The following NRXN1 variants were observed in gnomAD, a reference collection of about 807,000 sequenced individuals.
The protein encoded by NRXN1 is neurexin 1, also known as neurexin-1.
Under a neutral mutation model 150.9 loss-of-function variants are expected in NRXN1, and 39 were observed. That is an observed-to-expected ratio of 0.26 (90% CI 0.20 to 0.34). The LOEUF is 0.34. Among genes scored for constraint, NRXN1 ranks in the 10% least tolerant of loss-of-function variants. NRXN1 has a pLI of 1.00. For missense variants in NRXN1, 1,815 were observed against 1,949.9 expected (o/e 0.93, Z 1.30); for synonymous variants, 924 against 757.0 (o/e 1.22, Z -3.62).
chr2:50,139,512 C>T (rs778403760), intron 18 of NRXN1, among the ~76,000 whole-genome samples: 33 of 152,044 alleles, frequency 2.2e-4, no homozygotes, highest in Non-Finnish European at 3.4e-4. Context: ...AAAAGTATGA[C>T]GGACAGCTGA....
chr2:50,098,830 G>GTTTTTTT (rs746736925), intron 18 of NRXN1, among the ~76,000 whole-genome samples: 47 of 105,462 alleles, frequency 4.5e-4, no homozygotes, highest in South Asian at 1.0e-3. Flanking sequence ...TTTGGTTTTA[G>GTTTTTTT]TTTTTTTTTT....
chr2:50,083,673 G>A (rs766402780), intron 19 of NRXN1, among the ~76,000 whole-genome samples: 9 of 152,134 alleles, frequency 5.9e-5, no homozygotes, highest in Non-Finnish European at 1.0e-4. Flanking sequence ...CTGCTGATCG[G>A]TCCATTTTAC....
chr2:50,977,367 AATAT>A (rs1696024952), intron 2 of NRXN1, among the ~76,000 whole-genome samples: 1 of 150,454 alleles, frequency 6.6e-6, no homozygotes, highest in South Asian at 2.1e-4. Flanking sequence ...TGTGATACAT[AATAT>A]TATATACATA....
intron 18 of NRXN1, among the ~76,000 whole-genome samples, chr2:50,192,599 A>G (rs923353772): frequency 6.8e-6 from 1 of 147,628 alleles, no homozygotes; most frequent in South Asian, 2.1e-4. Context: ...GGAAGAATAT[A>G]TACTTTTTTT....
At chr2:50,655,668 G>C (rs186121453) in intron 5 of NRXN1, among the ~76,000 whole-genome samples, 2 of 145,096 alleles carry the variant, frequency 1.4e-5, no homozygotes, top group African/African-American at 2.6e-5. Flanking sequence ...TTTTTCTTTT[G>C]GGGGGGGAGG....
At chr2:50,319,954 C>T (rs2152972908) in intron 17 of NRXN1, among the ~76,000 whole-genome samples, 1 of 152,128 alleles carries the variant, frequency 6.6e-6, no homozygotes, top group South Asian at 2.1e-4. Flanking sequence ...TTTGGCAAGA[C>T]ATGGCTCCTT....
chr2:50,447,172 C>T (rs555379233), intron 17 of NRXN1, among the ~76,000 whole-genome samples: 1 of 152,004 alleles, frequency 6.6e-6, no homozygotes, highest in East Asian at 1.9e-4. Flanking sequence ...GGCCCTTCCA[C>T]AGATTTAAAA....
At chr2:50,145,763 AT>A (rs926653278) in intron 18 of NRXN1, among the ~76,000 whole-genome samples, 1 of 151,578 alleles carries the variant, frequency 6.6e-6, no homozygotes, top group African/African-American at 2.4e-5. Flanking sequence ...GGAATTATAG[AT>A]GGGTAATATT....
intron 17 of NRXN1, among the ~76,000 whole-genome samples, chr2:50,307,708 T>A (rs1038262067): frequency 1.3e-5 from 2 of 152,158 alleles, no homozygotes; most frequent in Admixed American, 6.6e-5. Context: ...ACTCCTGACT[T>A]ACTCTCAACT....
At chr2:50,711,527 G>C (rs1176723858) in intron 5 of NRXN1, among the ~76,000 whole-genome samples, 1 of 151,660 alleles carries the variant, frequency 6.6e-6, no homozygotes, top group African/African-American at 2.4e-5. Flanking sequence ...GTAGAGACAG[G>C]TTTTCATCAT....
chr2:50,533,273 C>T (rs2093166176), intron 10 of NRXN1, among the ~76,000 whole-genome samples: 1 of 152,098 alleles, frequency 6.6e-6, no homozygotes, highest in Admixed American at 6.6e-5. Context: ...GACTTCTCTC[C>T]TGAGCTGTAG....
At chr2:50,689,829 C>A (rs1311967901) in intron 5 of NRXN1, among the ~76,000 whole-genome samples, 1 of 151,046 alleles carries the variant, frequency 6.6e-6, no homozygotes, top group Non-Finnish European at 1.5e-5. Flanking sequence ...TGAGGCTTCC[C>A]ATCAGCTTGT....
At chr2:50,268,637 T>A (rs1278851254) in intron 17 of NRXN1, among the ~76,000 whole-genome samples, 3 of 152,220 alleles carry the variant, frequency 2.0e-5, no homozygotes, top group Non-Finnish European at 4.4e-5. Context: ...TGAATCCCCA[T>A]AGCACACATC....
intron 17 of NRXN1, among the ~76,000 whole-genome samples, chr2:50,262,611 G>A (rs2068406076): frequency 6.6e-6 from 1 of 151,948 alleles, no homozygotes; most frequent in African/African-American, 2.4e-5. Flanking sequence ...AAATTCTTAT[G>A]AGCCTTAGTA....
At chr2:50,215,694 T>A (rs1353208527) in intron 18 of NRXN1, among the ~76,000 whole-genome samples, 1 of 152,032 alleles carries the variant, frequency 6.6e-6, no homozygotes, top group East Asian at 1.9e-4. Context: ...TTTAAAACAA[T>A]ATTTAAAATA....
chr2:50,536,123 G>A (rs11678574), intron 10 of NRXN1, among the ~76,000 whole-genome samples: 42,146 of 152,038 alleles, frequency 0.28, 6,225 homozygotes, highest in East Asian at 0.51. Flanking sequence ...TAATAGCCAC[G>A]AACTGGGCAG....
intron 8 of NRXN1, among the ~76,000 whole-genome samples, chr2:50,615,041 T>C (rs576092947): frequency 2.6e-5 from 4 of 152,272 alleles, no homozygotes; most frequent in Middle Eastern, 3.4e-3. Context: ...TGAGGGAAAA[T>C]GCTTACAAAA....
In NRXN1 at chr2:51,015,619, A is replaced by C. The variant is rs970205754; in HGVS notation, c.772+11883T>G. 3.3e-5 allele frequency among the ~76,000 whole-genome samples: 5 copies of C among 152,026 alleles called. No individual in the cohort carries two copies. The South Asian group carries it at 8.3e-4, about 25-fold the overall frequency. On this transcript the variant is annotated intron_variant, in intron 2 of 22. Transcript: ENST00000401669. Reference sequence around the variant, plus strand: ...CTGTACTTTTATGAAGGAAATCAATATATAGAGTCATAGAATAACAATGGA... The same window carrying C: ...CTGTACTTTTATGAAGGAAATCAATCTATAGAGTCATAGAATAACAATGGA...
chr2:50,412,785 G>A (rs1225796006), intron 17 of NRXN1, among the ~76,000 whole-genome samples: 1 of 152,032 alleles, frequency 6.6e-6, no homozygotes, highest in Non-Finnish European at 1.5e-5. Context: ...CATCTACAAT[G>A]ATACAATGAT....
Sources: allele counts gnomAD v4.1 joint callset (sites outside exome capture counted in the v4.1 genomes callset), GRCh38; gene constraint gnomAD v4.1.1; transcripts MANE v1.5; gene names NCBI Gene and HGNC (gene_info 2026-07-23, HGNC 2026-07-21).